Variants in CYP4Z1 observed in about 807,000 individuals in gnomAD.
CYP4Z1 encodes cytochrome P450 4Z1.
In CYP4Z1, 41 loss-of-function variants were observed where a neutral mutation model predicts 54.2. The ratio of observed to expected loss-of-function variants is 0.76; its 90% CI spans 0.59 to 0.98. The LOEUF is 0.98. Ranked by LOEUF, CYP4Z1 falls within the 50% of genes least tolerant of loss-of-function variation. CYP4Z1 has a pLI of 0.00. For missense variants in CYP4Z1, 513 were observed against 599.0 expected, an observed-to-expected ratio of 0.86 and a Z score of 1.50; for synonymous variants, 163 against 206.2, an observed-to-expected ratio of 0.79 and a Z score of 1.79.
rs550435834 is a variant in CYP4Z1, at chr1:47,069,054, T to C, written c.319+291T>C. On this transcript the variant is annotated intron_variant, in intron 2 of 11. Coordinates refer to ENST00000334194, the MANE Select transcript of CYP4Z1 (RefSeq NM_178134.3). ...AGACCCCCAGGACTACCACTTACCA[T>C]CACTGTGAACATACAGTGGGTTGGG... Among the ~76,000 whole-genome samples the C allele has an allele frequency of 2.3e-3, 343 of 152,302 alleles. 1 individual carries two copies. The highest frequency in any genetic ancestry group is 3.0e-3 in the Non-Finnish European group (203 of 68,022).
intron 6 of CYP4Z1, among the ~76,000 whole-genome samples, chr1:47,086,017 A>T (rs561706388): frequency 6.6e-6 from 1 of 152,238 alleles, no homozygotes; most frequent in East Asian, 1.9e-4. Context: ...TACAAAGGAC[A>T]TGAACTCATC....
intron 6 of CYP4Z1, among the ~76,000 whole-genome samples, chr1:47,090,316 T>A (rs531817736): frequency 6.6e-6 from 1 of 152,358 alleles, no homozygotes; most frequent in East Asian, 1.9e-4. Flanking sequence ...GTTATAAGGA[T>A]AATAATTAGG....
the CYP4Z1 span, among the ~76,000 whole-genome samples, chr1:47,061,898 G>A: frequency 2.0e-5 from 3 of 151,962 alleles, no homozygotes; most frequent in South Asian, 2.1e-4. Flanking sequence ...CAATAAATGC[G>A]GATCATCACA....
In CYP4Z1 at chr1:47,067,418, T is replaced by C. The variant is rs372632854; in HGVS notation, c.-73T>C. Reference sequence around the variant, plus strand: ...TGTTGCCCAGGGGGCATCTCCTTTGTGTTTATGAGAGACCTGCATTCTCCC... The same window carrying C: ...TGTTGCCCAGGGGGCATCTCCTTTGCGTTTATGAGAGACCTGCATTCTCCC... On this transcript the variant is annotated 5_prime_UTR_variant, in exon 1 of 12. Transcript: ENST00000334194. 1 of 1,335,840 alleles carries C rather than the reference T, an allele frequency of 7.5e-7. No homozygotes were observed. The highest frequency in any genetic ancestry group is 9.9e-7 in the Non-Finnish European group (1 of 1,010,936). The allele number at this position is 1,335,840 out of a possible 1,614,324, so 82.7% of individuals were successfully genotyped here. A position where few individuals can be genotyped will look rare whatever the true frequency, so the allele number is the denominator to read the frequency against.
chr1:47,086,312 A>T (rs1301577966), intron 6 of CYP4Z1, among the ~76,000 whole-genome samples: 1 of 152,202 alleles, frequency 6.6e-6, no homozygotes, highest in East Asian at 1.9e-4. Context: ...TCCCACCAAC[A>T]GTGTAAAAGT....
At chr1:47,083,928 A>G in intron 4 of CYP4Z1, among the ~76,000 whole-genome samples, 1 of 152,104 alleles carries the variant, frequency 6.6e-6, no homozygotes, top group Non-Finnish European at 1.5e-5. Context: ...GTTTGGAAAA[A>G]AGCTTTCAAA....
At chr1:47,086,141 C>T (rs1644592686) in intron 6 of CYP4Z1, among the ~76,000 whole-genome samples, 2 of 152,108 alleles carry the variant, frequency 1.3e-5, no homozygotes, top group Admixed American at 6.5e-5. Context: ...GTGAAAAGTG[C>T]CACAGTAAAC....
chr1:47,064,080 C>CTTTTT (rs34267768), upstream of CYP4Z1, among the ~76,000 whole-genome samples: 2 of 119,514 alleles, frequency 1.7e-5, no homozygotes, highest in African/African-American at 3.2e-5. Flanking sequence ...GATTTGGGTC[C>CTTTTT]TTTTTTTTTT....
At chr1:47,066,996 T>C (rs1644454923), upstream of CYP4Z1, among the ~76,000 whole-genome samples, 1 of 152,124 alleles carries the variant, frequency 6.6e-6, no homozygotes, top group Non-Finnish European at 1.5e-5. Context: ...ATTTTGATAA[T>C]CAGGGAAGCT....
rs2758732 is a variant in CYP4Z1 at position 47,090,354 on chromosome 1, T to C, written c.773-4212T>C. 6.6e-4 allele frequency among the ~76,000 whole-genome samples: 100 copies of C among 151,238 alleles called. 3 individuals carry two copies. Among genetic ancestry groups the C allele is most frequent in the African/African-American group, 1.7e-3 (69 of 41,100 alleles). ...AGATATTACAGCAATTAGAATTTTATAACCAGAGTTCCACATTGTGGGTGC... is the reference window on the plus strand; with the variant it reads ...AGATATTACAGCAATTAGAATTTTACAACCAGAGTTCCACATTGTGGGTGC... On this transcript the variant is annotated intron_variant, in intron 6 of 11. Coordinates refer to ENST00000334194, the MANE Select transcript of CYP4Z1 (RefSeq NM_178134.3).
At chr1:47,065,062 AAAC>A (rs1192710711), upstream of CYP4Z1, among the ~76,000 whole-genome samples, 1 of 152,132 alleles carries the variant, frequency 6.6e-6, no homozygotes, top group Admixed American at 6.5e-5. Flanking sequence ...ACTATGCGAT[AAAC>A]AACAACACAA....
chr1:47,084,869 C>A lies in CYP4Z1; in HGVS notation c.663C>A (p.Ile221=). The A allele has an allele frequency of 6.5e-7, 1 of 1,528,914 alleles. No homozygotes were observed. The highest frequency in any genetic ancestry group is 8.8e-7 in the Non-Finnish European group (1 of 1,139,574). 94.7% of individuals were successfully genotyped at this position (1,528,914 alleles called of 1,614,324 possible). A position where few individuals can be genotyped will look rare whatever the true frequency, so the allele number is the denominator to read the frequency against. The change falls in exon 6 of 12, where the codon ATC becomes ATA. Residue 221 remains isoleucine, a synonymous_variant. Transcript: ENST00000334194. ...AAGCAGTGTTCAACCTTAGCAAAAT[C>A]TCCAACCAGCGCATGAACAATTTTC... ...YLKAVFNLSK[I]SNQRMNNFLH... is the part of the protein sequence containing the mutation.
chr1:47,065,816 A>G (rs539764364), upstream of CYP4Z1, among the ~76,000 whole-genome samples: 3 of 152,296 alleles, frequency 2.0e-5, no homozygotes, highest in Admixed American at 2.0e-4. Context: ...AGAAGATCCA[A>G]ATAAACTCAA....
intron 6 of CYP4Z1, among the ~76,000 whole-genome samples, chr1:47,086,931 C>T (rs977561790): frequency 2.0e-5 from 3 of 152,220 alleles, no homozygotes; most frequent in Admixed American, 6.5e-5. Flanking sequence ...GTTTTCCCAG[C>T]ACCATTTATT....
intron 2 of CYP4Z1, among the ~76,000 whole-genome samples, chr1:47,079,225 G>A (rs1644546456): frequency 6.6e-6 from 1 of 152,168 alleles, no homozygotes; most frequent in African/African-American, 2.4e-5. Context: ...CTTCAAGATT[G>A]CCATGGTACT....
Position 47,117,843 on chromosome 1 carries a change from C to T in CYP4Z1, c.1427C>T (p.Ala476Val), listed in dbSNP as rs1383047423. Residue 476 changes from alanine (A) to valine (V), a missense_variant, in exon 12 of 12, where the codon GCT becomes GTT. By Grantham distance (64) the Ala-to-Val change is moderately conservative. Transcript: ENST00000334194. ...VALTLLRFKL[A>V]PDHSRPPQPV... ...TTAACTCTGCTCCGCTTCAAGCTGG[C>T]TCCAGACCACTCAAGGCCTCCCCAG... 1.2e-6 allele frequency: 2 copies of T among 1,613,750 alleles called. No homozygotes were observed. The highest frequency in any genetic ancestry group is 1.1e-5 in the South Asian group (1 of 91,052).
chr1:47,096,415 T>G (rs140838855), intron 7 of CYP4Z1, among the ~76,000 whole-genome samples: 1 of 152,128 alleles, frequency 6.6e-6, no homozygotes, highest in African/African-American at 2.4e-5. Context: ...AAAATAATAG[T>G]AAAAAATAAA....
At chr1:47,102,021 T>A (rs1644725314) in intron 8 of CYP4Z1, among the ~76,000 whole-genome samples, 3 of 152,208 alleles carry the variant, frequency 2.0e-5, no homozygotes, top group Admixed American at 1.3e-4. Flanking sequence ...TAACTTTCTA[T>A]GTCTTTTTTA....
chr1:47,057,335 A>AAAAAAAAAAAAAAAAT, the CYP4Z1 span, among the ~76,000 whole-genome samples: 39 of 28,436 alleles, frequency 1.4e-3, no homozygotes, highest in Non-Finnish European at 2.6e-3. Flanking sequence ...AAGAAAAAAA[A>AAAAAAAAAAAAAAAAT]ATATATATAT....
Sources: gnomAD v4.1 joint callset for allele counts (sites outside exome capture counted in the v4.1 genomes callset) on GRCh38, gnomAD v4.1.1 for gene constraint, MANE v1.5 for transcripts, NCBI Gene and HGNC (gene_info 2026-07-23, HGNC 2026-07-21) for gene names.